GALK2: variants seen among roughly 807,000 people sequenced by gnomAD.
GALK2 encodes the protein N-acetylgalactosamine kinase.
In GALK2, 36 loss-of-function variants were observed where a neutral mutation model predicts 52.4. The ratio of observed to expected loss-of-function variants is 0.69; its 90% CI spans 0.53 to 0.91. The LOEUF is 0.91. GALK2 is among the 40% of genes least tolerant of loss of function. The probability of loss-of-function intolerance (pLI) is 0.00; values close to 1 mark genes in which losing one functional copy is unlikely to be tolerated. For synonymous variants in GALK2, 176 were observed against 199.1 expected (o/e 0.88, Z 0.98); for missense variants, 579 against 559.1 (o/e 1.04, Z -0.36).
intron 5 of GALK2, among the ~76,000 whole-genome samples, chr15:49,256,227 T>C (rs1291409230): frequency 6.6e-6 from 1 of 152,212 alleles, no homozygotes; most frequent in Non-Finnish European, 1.5e-5. Context: ...ACAGGCTTAA[T>C]TCTCTAGAGC....
intron 3 of GALK2, among the ~76,000 whole-genome samples, chr15:49,224,695 T>G (rs1421266703): frequency 6.6e-6 from 1 of 152,224 alleles, no homozygotes; most frequent in African/African-American, 2.4e-5. Context: ...TGTCTGTGTA[T>G]CTGTTTTTGT....
intron 1 of GALK2, among the ~76,000 whole-genome samples, chr15:49,181,215 C>A (rs753635590): frequency 3.3e-5 from 5 of 150,970 alleles, no homozygotes; most frequent in Admixed American, 6.6e-5. Context: ...GTGATTCTCC[C>A]ACTTCAGCCT....
intron 2 of GALK2, among the ~76,000 whole-genome samples, chr15:49,214,833 A>G (rs901831292): frequency 2.0e-5 from 3 of 152,122 alleles, no homozygotes; most frequent in African/African-American, 7.2e-5. Context: ...CTGTACCACC[A>G]TGTGATATAT....
chr15:49,235,758 C>T (rs1009866315), intron 3 of GALK2, 93 bp from the exon 4 acceptor site: 37 of 822,004 alleles, frequency 4.5e-5, no homozygotes, highest in Non-Finnish European at 7.6e-5. Flanking sequence ...GAGTCAGTAT[C>T]GCTGTGTTGG....
chr15:49,329,224 T>A lies in GALK2; in HGVS notation c.*1065T>A. The A allele has an allele frequency of 1.0e-6, 1 of 986,390 alleles. No homozygotes were observed. The highest frequency in any genetic ancestry group is 1.2e-6 in the Non-Finnish European group (1 of 830,616). The allele number at this position is 986,390 out of a possible 1,614,324, so 61.1% of individuals were successfully genotyped here. On this transcript the variant is annotated 3_prime_UTR_variant, in exon 10 of 10. Transcript: ENST00000560031. Reference sequence around the variant, plus strand: ...ATTCTGGGATTTGTAATGGTATTGATGGGTATCTCTGTATGTATATCAAGA... The same window carrying A: ...ATTCTGGGATTTGTAATGGTATTGAAGGGTATCTCTGTATGTATATCAAGA...
At chr15:49,302,324 G>A (rs2141872567) in intron 8 of GALK2, among the ~76,000 whole-genome samples, 1 of 152,150 alleles carries the variant, frequency 6.6e-6, no homozygotes, top group African/African-American at 2.4e-5. Context: ...TTCCTTTATG[G>A]CTATTTCCCA....
intron 5 of GALK2, among the ~76,000 whole-genome samples, chr15:49,265,314 T>C (rs539146050): frequency 6.6e-6 from 1 of 152,350 alleles, no homozygotes; most frequent in Non-Finnish European, 1.5e-5. Flanking sequence ...GCCTTGCAGT[T>C]TGATCTTATA....
At chr15:49,321,930 A>G (rs2036904925) in intron 9 of GALK2, among the ~76,000 whole-genome samples, 1 of 152,218 alleles carries the variant, frequency 6.6e-6, no homozygotes, top group African/African-American at 2.4e-5. Context: ...CGTAATGTGT[A>G]GAGTAGGATG....
chr15:49,202,638 A>G (rs1044893293), intron 2 of GALK2, among the ~76,000 whole-genome samples: 1 of 152,126 alleles, frequency 6.6e-6, no homozygotes, highest in African/African-American at 2.4e-5. Flanking sequence ...TATCTTGACT[A>G]TTGTGAATAG....
chr15:49,314,483 G>C (rs948166049), intron 8 of GALK2, among the ~76,000 whole-genome samples: 3 of 152,190 alleles, frequency 2.0e-5, no homozygotes, highest in Non-Finnish European at 2.9e-5. Context: ...AAAATAGTAT[G>C]TCTCCTTTAT....
intron 5 of GALK2, among the ~76,000 whole-genome samples, chr15:49,265,355 G>C (rs1377626832): frequency 1.3e-5 from 2 of 152,242 alleles, no homozygotes; most frequent in Admixed American, 1.3e-4. Flanking sequence ...GAGGCTCCGT[G>C]GGCATAGGAC....
chr15:49,338,798 C>T (rs529919388), intron 3 of GALK2, among the ~76,000 whole-genome samples: 11 of 152,130 alleles, frequency 7.2e-5, no homozygotes, highest in Non-Finnish European at 1.3e-4. Context: ...CACATAGTCC[C>T]ATATTTGTTG....
upstream of GALK2, among the ~76,000 whole-genome samples, chr15:49,167,159 A>C (rs190678701): frequency 2.0e-5 from 3 of 152,226 alleles, no homozygotes; most frequent in East Asian, 5.8e-4. Context: ...CTGAATGGAG[A>C]CTAATATCCT....
At chr15:49,312,324 G>A (rs2036061724) in intron 8 of GALK2, among the ~76,000 whole-genome samples, 1 of 152,236 alleles carries the variant, frequency 6.6e-6, no homozygotes, top group African/African-American at 2.4e-5. Context: ...GAAGAAGGGA[G>A]ATAGGTTTTG....
At chr15:49,293,163 A>G (rs2034113503) in intron 8 of GALK2, among the ~76,000 whole-genome samples, 1 of 152,126 alleles carries the variant, frequency 6.6e-6, no homozygotes, top group Non-Finnish European at 1.5e-5. Context: ...GCGGATGGTT[A>G]TGGGGGATGA....
intron 2 of GALK2, among the ~76,000 whole-genome samples, chr15:49,213,681 G>A (rs2089129065): frequency 1.3e-5 from 2 of 151,780 alleles, no homozygotes; most frequent in Non-Finnish European, 1.5e-5. Flanking sequence ...ATTTATATTC[G>A]ATGTTATAGT....
chr15:49,363,298 T>C (rs1460306128), intron 3 of GALK2, among the ~76,000 whole-genome samples: 1 of 152,194 alleles, frequency 6.6e-6, no homozygotes, highest in Non-Finnish European at 1.5e-5. Context: ...TCTGATTTCT[T>C]TGAGCAATGT....
At chr15:49,306,530 T>C (rs2035560465) in intron 8 of GALK2, among the ~76,000 whole-genome samples, 1 of 152,190 alleles carries the variant, frequency 6.6e-6, no homozygotes, top group Admixed American at 6.5e-5. Context: ...CTAATTTTTC[T>C]TTTGCCTCTC....
intron 9 of GALK2, chr15:49,327,526 T>A (rs559909237): frequency 6.5e-6 from 1 of 154,826 alleles, no homozygotes; most frequent in South Asian, 2.0e-4. Context: ...CATTTTAAAT[T>A]TTGATTTGTC....
Sources: allele counts gnomAD v4.1 joint callset (sites outside exome capture counted in the v4.1 genomes callset), GRCh38; gene constraint gnomAD v4.1.1; transcripts MANE v1.5; gene names NCBI Gene and HGNC (gene_info 2026-07-23, HGNC 2026-07-21).